ERN1: variants seen among roughly 807,000 people sequenced by gnomAD.
The protein encoded by ERN1 is serine/threonine-protein kinase/endoribonuclease IRE1.
A neutral mutation model predicts 113.1 loss-of-function variants in ERN1; 39 were observed. The observed-to-expected ratio is 0.34, with a 90% CI of 0.27 to 0.45. ERN1 has a LOEUF of 0.45. Ranked by LOEUF, ERN1 falls within the 20% of genes least tolerant of loss-of-function variation. The pLI, the probability that ERN1 is intolerant of heterozygous loss-of-function variation, is 1.00. For missense variants in ERN1, 976 were observed against 1,274.8 expected (o/e 0.77, Z 3.57); for synonymous variants, 507 against 515.9 (o/e 0.98, Z 0.23).
chr17:64,059,719 C>T (rs1041221416), intron 11 of ERN1, among the ~76,000 whole-genome samples: 2 of 152,100 alleles, frequency 1.3e-5, no homozygotes, highest in East Asian at 3.9e-4. Context: ...GGTCTAGAGT[C>T]CTTTCTACTC....
At chr17:64,112,941 GTGTGCTC>G (rs1914713037) in intron 1 of ERN1, among the ~76,000 whole-genome samples, 1 of 152,220 alleles carries the variant, frequency 6.6e-6, no homozygotes, top group Admixed American at 6.5e-5. Context: ...ACAAACTTGG[GTGTGCTC>G]TGGAGGTGGA....
At chr17:64,122,001 C>G (rs1914967955) in intron 1 of ERN1, among the ~76,000 whole-genome samples, 1 of 152,184 alleles carries the variant, frequency 6.6e-6, no homozygotes. Context: ...TACAAGAAAG[C>G]CTACTGGCCT....
chr17:64,071,347 C>T (rs1913408998), intron 6 of ERN1, among the ~76,000 whole-genome samples: 1 of 152,092 alleles, frequency 6.6e-6, no homozygotes, highest in Non-Finnish European at 1.5e-5. Flanking sequence ...GAGAGGACCA[C>T]ACCACTACAA....
rs1386398877 is a variant in ERN1, at chr17:64,041,133, G to A, written c.*2855C>T. On this transcript the variant is annotated 3_prime_UTR_variant, in exon 22 of 22. Transcript: ENST00000433197. Reference sequence around the variant, plus strand: ...ACTGCACTCCAGCCTGGGTGACAGAGCGAGACTCTGTCTCAAAAAAACAAA... The same window carrying A: ...ACTGCACTCCAGCCTGGGTGACAGAACGAGACTCTGTCTCAAAAAAACAAA... 1.3e-5 allele frequency: 2 copies of A among 152,236 alleles called. No homozygotes were observed. Among genetic ancestry groups the A allele is most frequent in the Non-Finnish European group, 2.9e-5 (2 of 68,072 alleles). 9.4% of individuals were successfully genotyped at this position (152,236 alleles called of 1,614,324 possible). A position where few individuals can be genotyped will look rare whatever the true frequency, so the allele number is the denominator to read the frequency against.
At chr17:64,122,288 G>A (rs1265865153) in intron 1 of ERN1, among the ~76,000 whole-genome samples, 3 of 152,176 alleles carry the variant, frequency 2.0e-5, no homozygotes, top group South Asian at 2.1e-4. Flanking sequence ...GCTTGGGAGA[G>A]GAGGGTAATG....
chr17:64,121,593 G>T (rs917890271), intron 1 of ERN1, among the ~76,000 whole-genome samples: 1 of 152,158 alleles, frequency 6.6e-6, no homozygotes, highest in South Asian at 2.1e-4. Context: ...AGGTTCAAGC[G>T]ATTCTTCTGC....
In ERN1 at chr17:64,127,772, AAAG is replaced by A. The variant is rs1358292987; in HGVS notation, c.54+2201_54+2203del. On this transcript the variant is annotated intron_variant, in intron 1 of 21. Coordinates refer to ENST00000433197, the MANE Select transcript of ERN1 (RefSeq NM_001433.5). ...AACTCCATATCAAAAAAAAAAAAAA[AAAG>A]AAGTAGTAGTAGTAGTAGTAAAAGA... 7.6e-3 allele frequency among the ~76,000 whole-genome samples: 1,151 copies of A among 151,504 alleles called. 19 individuals are homozygous for A. Among genetic ancestry groups the A allele is most frequent in the African/African-American group, 0.027 (1,101 of 41,080 alleles).
intron 10 of ERN1, among the ~76,000 whole-genome samples, chr17:64,062,847 T>C (rs1567866201): frequency 6.6e-6 from 1 of 152,214 alleles, no homozygotes; most frequent in Non-Finnish European, 1.5e-5. Context: ...TTACCCGTTA[T>C]TTGGTAAAAA....
chr17:64,099,998 G>A (rs1327348343), intron 1 of ERN1, among the ~76,000 whole-genome samples: 1 of 152,190 alleles, frequency 6.6e-6, no homozygotes, highest in African/African-American at 2.4e-5. Flanking sequence ...TCTACCTCTG[G>A]AACTAGGAAA....
chr17:64,061,124 T>C (rs1022085824), intron 10 of ERN1, among the ~76,000 whole-genome samples: 2 of 152,224 alleles, frequency 1.3e-5, no homozygotes, highest in African/African-American at 2.4e-5. Context: ...GATGGGGCCA[T>C]AGCTTGCTCC....
chr17:64,066,964 G>A, intron 7 of ERN1, 32 bp from the exon 8 acceptor site: 1 of 1,600,252 alleles, frequency 6.2e-7, no homozygotes, highest in South Asian at 1.1e-5. Flanking sequence ...AGCATGCTGA[G>A]TCTCACCCCA....
chr17:64,086,316 A>C (rs1275911633), intron 2 of ERN1, among the ~76,000 whole-genome samples: 1 of 152,254 alleles, frequency 6.6e-6, no homozygotes, highest in Non-Finnish European at 1.5e-5. Context: ...ATCTTGCTCC[A>C]GATAAGTACC....
rs940541204 is a variant in ERN1 at position 64,042,849 on chromosome 17, T to C, written c.*1139A>G. ...GTACCACAAAAAATAGAAGATGTAT[T>C]CTATCTTGCATTTATTCTTCACAAG... On this transcript the variant is annotated 3_prime_UTR_variant, in exon 22 of 22. Transcript: ENST00000433197. The C allele has an allele frequency of 6.6e-6, 1 of 152,240 alleles. No homozygotes were observed. Among genetic ancestry groups the C allele is most frequent in the Non-Finnish European group, 1.5e-5 (1 of 68,038 alleles). 9.4% of individuals were successfully genotyped at this position (152,240 alleles called of 1,614,324 possible). A position where few individuals can be genotyped will look rare whatever the true frequency, so the allele number is the denominator to read the frequency against.
At chr17:64,092,011 G>A (rs762075207) in intron 2 of ERN1, among the ~76,000 whole-genome samples, 1 of 152,164 alleles carries the variant, frequency 6.6e-6, no homozygotes, top group Non-Finnish European at 1.5e-5. Context: ...GAGCATTTCA[G>A]CAGGCAGGGG....
chr17:64,119,273 A>T (rs934738284), intron 1 of ERN1, among the ~76,000 whole-genome samples: 3 of 151,794 alleles, frequency 2.0e-5, no homozygotes, highest in African/African-American at 7.3e-5. Context: ...CAATTTCAAC[A>T]GTTTGTATTC....
chr17:64,125,762 T>C (rs1915065071), intron 1 of ERN1, among the ~76,000 whole-genome samples: 1 of 152,228 alleles, frequency 6.6e-6, no homozygotes, highest in Admixed American at 6.5e-5. Context: ...GTGCTGGGAT[T>C]ACAGGCGCAA....
In ERN1 at chr17:64,063,600, C is replaced by A. The variant is rs9783824; in HGVS notation, c.1087+386G>T. Among the ~76,000 whole-genome samples the A allele has an allele frequency of 5.7e-3, 861 of 152,216 alleles. 9 individuals carry two copies. The highest frequency in any genetic ancestry group is 0.019 in the African/African-American group (791 of 41,512). On this transcript the variant is annotated intron_variant, in intron 10 of 21. Coordinates refer to ENST00000433197, the MANE Select transcript of ERN1 (RefSeq NM_001433.5). This position sits in a 1 kb window ranked among gnomAD's most constrained non-coding sequence, Gnocchi z 5.1. ...CTCACCCTCATGCCCACGTGGACTC[C>A]AAGTTAATTCTTCCATAGAAACAGT...
intron 1 of ERN1, among the ~76,000 whole-genome samples, chr17:64,109,263 AT>A (rs1348273485): frequency 1.3e-5 from 2 of 152,294 alleles, no homozygotes; most frequent in African/African-American, 4.8e-5. Flanking sequence ...TTAGTTAGGA[AT>A]TTCTTGCAGG....
intron 1 of ERN1, among the ~76,000 whole-genome samples, chr17:64,109,406 A>C (rs1567884191): frequency 6.6e-6 from 1 of 152,194 alleles, no homozygotes; most frequent in Non-Finnish European, 1.5e-5. Flanking sequence ...GCCAAACTTT[A>C]GGCTAGAAAA....
Sources: allele counts gnomAD v4.1 joint callset (sites outside exome capture counted in the v4.1 genomes callset), GRCh38; gene constraint gnomAD v4.1.1; non-coding constraint Gnocchi (gnomAD v3.1); transcripts MANE v1.5; gene names NCBI Gene and HGNC (gene_info 2026-07-23, HGNC 2026-07-21).